The following CPEB3 variants were observed in gnomAD, a reference collection of about 807,000 sequenced individuals.
The protein encoded by CPEB3 is cytoplasmic polyadenylation element-binding protein 3.
Under a neutral mutation model 67.2 loss-of-function variants are expected in CPEB3, and 20 were observed. The observed-to-expected ratio is 0.30, with a 90% CI of 0.21 to 0.43. CPEB3 has a LOEUF of 0.43. CPEB3 is among the 20% of genes least tolerant of loss of function. The probability of loss-of-function intolerance (pLI) is 1.00; values close to 1 mark genes in which losing one functional copy is unlikely to be tolerated. For missense variants in CPEB3, 746 were observed against 968.6 expected (o/e 0.77, Z 3.05); for synonymous variants, 376 against 393.1 (o/e 0.96, Z 0.51).
chr10:92,091,804 G>A, intron 8 of CPEB3, 26 bp downstream of exon 8: 1 of 1,369,578 alleles, frequency 7.3e-7, no homozygotes, highest in Non-Finnish European at 1.0e-6. Flanking sequence ...TGGTTTTGTT[G>A]TTGTGGTATT....
At chr10:92,193,045 C>T (rs1383642593) in intron 2 of CPEB3, among the ~76,000 whole-genome samples, 1 of 152,116 alleles carries the variant, frequency 6.6e-6, no homozygotes, top group African/African-American at 2.4e-5. Context: ...AACCTCGCCT[C>T]TACTAAAAAT....
chr10:92,289,732 A>AAAAAAAAAAAAAAAAAAAAAAAAAAAT, intron 1 of CPEB3, among the ~76,000 whole-genome samples: 1 of 75,772 alleles, frequency 1.3e-5, no homozygotes. Context: ...AAAAAAAAAA[A>AAAAAAAAAAAAAAAAAAAAAAAAAAAT]ATATATATAT....
intron 1 of CPEB3, among the ~76,000 whole-genome samples, chr10:92,258,730 AT>A (rs1228873200): frequency 7.7e-6 from 1 of 130,012 alleles, no homozygotes; most frequent in Non-Finnish European, 1.6e-5. Context: ...TAGATCAGAT[AT>A]TTTTATATAA....
intron 1 of CPEB3, among the ~76,000 whole-genome samples, chr10:92,244,113 G>A (rs1045535374): frequency 9.9e-5 from 15 of 152,070 alleles, no homozygotes; most frequent in Admixed American, 2.0e-4. Context: ...TTGGGAGGCC[G>A]AGGAGGGCAG....
chr10:92,191,849 T>C (rs1173102497), intron 3 of CPEB3, among the ~76,000 whole-genome samples: 1 of 152,208 alleles, frequency 6.6e-6, no homozygotes, highest in East Asian at 1.9e-4. Context: ...CCAACATCTA[T>C]CCTGAATTTA....
chr10:92,073,128 C>T (rs1274183750), intron 9 of CPEB3, among the ~76,000 whole-genome samples: 2 of 148,640 alleles, frequency 1.3e-5, no homozygotes, highest in Non-Finnish European at 3.0e-5. Flanking sequence ...GCCTCAAACT[C>T]CTGGGCTCAA....
chr10:92,144,077 A>G (rs1158974420), intron 5 of CPEB3, among the ~76,000 whole-genome samples: 6 of 152,164 alleles, frequency 3.9e-5, no homozygotes, highest in African/African-American at 1.4e-4. Context: ...CTTTGTCACA[A>G]TTTTATTTCA....
intron 2 of CPEB3, among the ~76,000 whole-genome samples, chr10:92,225,895 G>A (rs1850947451): frequency 6.6e-6 from 1 of 152,182 alleles, no homozygotes; most frequent in South Asian, 2.1e-4. Context: ...TCAGGAGTTG[G>A]AGACCAGCCT....
At chr10:92,198,161 C>T (rs1849331123) in intron 2 of CPEB3, among the ~76,000 whole-genome samples, 2 of 152,182 alleles carry the variant, frequency 1.3e-5, no homozygotes, top group Admixed American at 6.5e-5. Flanking sequence ...ATAACTGGCT[C>T]AAGGTTATGG....
Position 92,239,999 on chromosome 10 carries a change from C to T in CPEB3, c.352G>A (p.Ala118Thr). Reference protein sequence around the residue: ...GSTWSTGTTNAVEDSFFQGIT... With the variant: ...GSTWSTGTTNTVEDSFFQGIT... ...CCCTGGAAGAAGCTGTCCTCTACCG[C>T]GTTGGTGGTGCCCGTGGACCAGGTG... is the stretch of plus-strand genomic sequence containing the variant. Residue 118 changes from alanine (A) to threonine (T), a missense_variant, in exon 2 of 10, where the codon GCG (alanine) becomes ACG (threonine). Ala to Thr is a moderately conservative substitution (Grantham distance 58). Around this residue, in one of 2 missense-constraint regions of CPEB3, gnomAD observed 643 missense variants for 717.5 expected, o/e 0.90. Transcript: ENST00000265997. The surrounding 1 kb of genome is among the most constrained non-coding windows in gnomAD (Gnocchi z 6.0). 1 of 1,611,162 alleles carries T rather than the reference C, an allele frequency of 6.2e-7. No individual in the cohort carries two copies. The highest frequency in any genetic ancestry group is 8.5e-7 in the Non-Finnish European group (1 of 1,178,774).
chr10:92,254,229 T>TA (rs61680875), intron 1 of CPEB3, among the ~76,000 whole-genome samples: 10,955 of 144,386 alleles, frequency 0.076, 1,285 homozygotes, highest in African/African-American at 0.26. Flanking sequence ...ACCCTGCCTT[T>TA]AAAAAAAAAA....
chr10:92,052,354 A>T lies in CPEB3; in HGVS notation c.1955T>A (p.Phe652Tyr). The T allele has an allele frequency of 2.5e-6, 4 of 1,614,264 alleles. No individual in the cohort carries two copies. Among genetic ancestry groups the T allele is most frequent in the Non-Finnish European group, 3.4e-6 (4 of 1,180,052 alleles). Reference protein sequence around the residue: ...TRCGGKFAPFFCANVTCLQYY... With the variant: ...TRCGGKFAPFYCANVTCLQYY... ...CTGCAGACAGGTGACGTTGGCACAG[A>T]AGAACGGGGCAAACTTCCCACCACA... The change falls in exon 10 of 10, where the codon TTC becomes TAC. Residue 652 changes from phenylalanine (F) to tyrosine (Y), a missense_variant. By Grantham distance (22) the Phe-to-Tyr change is conservative. Coordinates refer to ENST00000265997, the MANE Select transcript of CPEB3 (RefSeq NM_014912.5).
At chr10:92,137,175 C>A in intron 6 of CPEB3, 1 of 383,368 alleles carries the variant, frequency 2.6e-6, no homozygotes, top group East Asian at 5.4e-5. Context: ...TCCCAGCATC[C>A]ACTTGATAAT....
chr10:92,245,519 A>T (rs1852022673), intron 1 of CPEB3, among the ~76,000 whole-genome samples: 1 of 152,182 alleles, frequency 6.6e-6, no homozygotes, highest in South Asian at 2.1e-4. Context: ...CAAAAGATCT[A>T]CGTAAAACAA....
Position 92,239,784 on chromosome 10 carries a change from C to A in CPEB3, c.567G>T (p.Gln189His). Residue 189 changes from glutamine (Q) to histidine (H), a missense_variant, in exon 2 of 10, where the codon CAG becomes CAT. Physicochemically the swap from Gln to His is conservative, Grantham distance 24. Around this residue, in one of 2 missense-constraint regions of CPEB3, gnomAD observed 643 missense variants for 717.5 expected, o/e 0.90. Coordinates refer to ENST00000265997, the MANE Select transcript of CPEB3 (RefSeq NM_014912.5). The surrounding 1 kb of genome is among the most constrained non-coding windows in gnomAD (Gnocchi z 6.0). Reference sequence around the variant, plus strand: ...GGCTGGGGCTGGCGGGTGAGCGGCGCTGCTGCGGGGGCTGCGCCTGTGGTG... The same window carrying A: ...GGCTGGGGCTGGCGGGTGAGCGGCGATGCTGCGGGGGCTGCGCCTGTGGTG... ...AQPPQAQPPQ[Q>H]RRSPASPSQA... 2 of 1,415,436 alleles carry A rather than the reference C, an allele frequency of 1.4e-6. No individual in the cohort carries two copies. Among genetic ancestry groups the A allele is most frequent in the Non-Finnish European group, 1.8e-6 (2 of 1,092,218 alleles). The allele number at this position is 1,415,436 out of a possible 1,614,324, so 87.7% of individuals were successfully genotyped here. A position where few individuals can be genotyped will look rare whatever the true frequency, so the allele number is the denominator to read the frequency against.
chr10:92,243,233 T>G (rs899511333), intron 1 of CPEB3: 3 of 152,194 alleles, frequency 2.0e-5, no homozygotes, highest in African/African-American at 7.2e-5. Context: ...TTTTCTTCTT[T>G]CAGGTTGATT....
intron 6 of CPEB3, chr10:92,138,430 G>C (rs1204724347): frequency 6.4e-6 from 1 of 157,074 alleles, no homozygotes; most frequent in Non-Finnish European, 1.4e-5. Flanking sequence ...CTGAGGAGCA[G>C]CAGGAGGCGG....
intron 3 of CPEB3, among the ~76,000 whole-genome samples, chr10:92,185,609 AC>A (rs1848651797): frequency 6.6e-6 from 1 of 152,196 alleles, no homozygotes. Flanking sequence ...CTTTACTTCT[AC>A]AATATGTTAT....
intron 2 of CPEB3, among the ~76,000 whole-genome samples, chr10:92,198,896 A>C (rs547260159): frequency 2.0e-5 from 3 of 152,344 alleles, no homozygotes; most frequent in Admixed American, 6.5e-5. Context: ...ATGGAGGCTT[A>C]GTTGGGAAGA....
Sources: gnomAD v4.1 joint callset for allele counts (sites outside exome capture counted in the v4.1 genomes callset) on GRCh38, gnomAD v4.1.1 for gene constraint, gnomAD v4.1.1 regional missense constraint, Gnocchi (gnomAD v3.1) non-coding constraint, MANE v1.5 for transcripts, NCBI Gene and HGNC (gene_info 2026-07-23, HGNC 2026-07-21) for gene names.